The following NLN variants were observed in gnomAD, a reference collection of about 807,000 sequenced individuals.
NLN encodes the protein neurolysin, also known as neurolysin, mitochondrial.
A neutral mutation model predicts 79.9 loss-of-function variants in NLN; 64 were observed. That is an observed-to-expected ratio of 0.80 (90% confidence interval 0.65 to 0.99). NLN has a LOEUF of 0.99. Ranked by LOEUF, NLN falls within the 50% of genes least tolerant of loss-of-function variation. NLN has a pLI of 0.00. For missense variants in NLN, 835 were observed against 858.7 expected, an observed-to-expected ratio of 0.97 and a Z score of 0.34; for synonymous variants, 267 against 296.6, an observed-to-expected ratio of 0.90 and a Z score of 1.02.
chr5:65,750,940 G>A (rs1410757413), intron 1 of NLN, among the ~76,000 whole-genome samples: 1 of 152,052 alleles, frequency 6.6e-6, no homozygotes, highest in Non-Finnish European at 1.5e-5. Flanking sequence ...TGTGAGGAGA[G>A]GGGTGATTTA....
intron 1 of NLN, among the ~76,000 whole-genome samples, chr5:65,750,068 G>C (rs1301006512): frequency 6.6e-6 from 1 of 152,170 alleles, no homozygotes; most frequent in Non-Finnish European, 1.5e-5. Flanking sequence ...TAGTTTGCGA[G>C]TGGAAAGGAG....
chr5:65,811,360 C>T (rs1760541032), intron 11 of NLN, among the ~76,000 whole-genome samples: 1 of 151,884 alleles, frequency 6.6e-6, no homozygotes, highest in Non-Finnish European at 1.5e-5. Context: ...TTGACTATAG[C>T]CATCCTGTTA....
At chr5:65,777,723 T>A (rs1424109785) in intron 4 of NLN, among the ~76,000 whole-genome samples, 189 bp downstream of exon 4, 4 of 152,132 alleles carry the variant, frequency 2.6e-5, no homozygotes, top group Non-Finnish European at 5.9e-5. Context: ...GCTCTACTGG[T>A]AATAATGGGA....
chr5:65,742,208 C>T (rs1318123770), intron 1 of NLN, among the ~76,000 whole-genome samples: 1 of 151,748 alleles, frequency 6.6e-6, no homozygotes, highest in East Asian at 1.9e-4. Context: ...ATAAAGTTAC[C>T]TTTTTTAAAA....
chr5:65,775,930 C>T (rs1759670357), intron 3 of NLN, among the ~76,000 whole-genome samples: 1 of 152,192 alleles, frequency 6.6e-6, no homozygotes, highest in Non-Finnish European at 1.5e-5. Flanking sequence ...TAAATATATG[C>T]ACAACAAATG....
At chr5:65,723,072 G>C (rs1430955727) in intron 1 of NLN, 1 of 152,254 alleles carries the variant, frequency 6.6e-6, no homozygotes, top group African/African-American at 2.4e-5. Flanking sequence ...CAACAGACCA[G>C]TAGCAAGATG....
At chr5:65,800,601 G>A (rs965729627) in intron 9 of NLN, among the ~76,000 whole-genome samples, 1 of 152,034 alleles carries the variant, frequency 6.6e-6, no homozygotes, top group Non-Finnish European at 1.5e-5. Flanking sequence ...CCCAGGAGGC[G>A]GAGCTTGCAG....
rs752335395 is a variant in NLN, at chr5:65,777,430, AC to A, written c.456del (p.Cys153ValfsTer6). 104 of 1,603,060 alleles carry A rather than the reference AC, an allele frequency of 6.5e-5. No individual in the cohort carries two copies. Among genetic ancestry groups the A allele is most frequent in the Non-Finnish European group, 8.7e-5 (102 of 1,171,006 alleles). On this transcript the variant is annotated frameshift_variant, in exon 4 of 13. Transcript: ENST00000380985. LOFTEE classifies it high-confidence loss of function. The part of the protein sequence containing the change: ...IFERIVHLQE[T>X]CDLGKIKPEA... ...TTTTCATGCTCTTTAATTTCAGGAA[AC>A]CTGTGATCTGGGGAAGATAAAACCT...
intron 3 of NLN, among the ~76,000 whole-genome samples, chr5:65,775,325 G>A (rs1043537926): frequency 6.6e-6 from 1 of 152,164 alleles, no homozygotes; most frequent in Non-Finnish European, 1.5e-5. Flanking sequence ...TGTGTCCTGA[G>A]CTCATGGCCA....
At position 65,722,396 on chromosome 5, in the gene NLN, C is replaced by A. The variant is rs778967557; in HGVS notation, c.23C>A (p.Ala8Asp). MIARCLL[A>D]VRSLRRVGGS... is the part of the protein sequence containing the mutation. ...CCCATGATCGCCCGGTGCCTTTTGG[C>A]TGTGCGAAGCCTCCGCAGGTACCTC... is the stretch of plus-strand genomic sequence containing the variant. The change falls in exon 1 of 13, where the codon GCT (alanine) becomes GAT (aspartate). Residue 8 changes from alanine to aspartate, a missense_variant. Ala to Asp is a moderately radical substitution (Grantham distance 126). Coordinates refer to ENST00000380985, the MANE Select transcript of NLN (RefSeq NM_020726.5). 1 of 1,590,474 alleles carries A rather than the reference C, an allele frequency of 6.3e-7. No individual in the cohort carries two copies. Among genetic ancestry groups the A allele is most frequent in the South Asian group, 1.1e-5 (1 of 87,428 alleles).
At position 65,767,753 on chromosome 5, in the gene NLN, G is replaced by A. The variant is rs2150750466; in HGVS notation, c.450+4645G>A. Among the ~76,000 whole-genome samples the A allele has an allele frequency of 2.6e-5, 4 of 152,218 alleles. No individual in the cohort carries two copies. The South Asian group carries it at 8.3e-4, about 32-fold the overall frequency. On this transcript the variant is annotated intron_variant, in intron 3 of 12. Coordinates refer to ENST00000380985, the MANE Select transcript of NLN (RefSeq NM_020726.5). ...AGTCCCGATTTCAAACCATCTCTTT[G>A]TGTACACACATGGCTGTATGCTGTT...
intron 11 of NLN, among the ~76,000 whole-genome samples, chr5:65,811,628 C>A (rs145599699): frequency 0.011 from 1,732 of 152,176 alleles, 30 homozygotes; most frequent in African/African-American, 0.039. Context: ...TTGAGACCAG[C>A]CTGACCAAAG....
At chr5:65,753,750 G>A (rs1029519114) in intron 1 of NLN, among the ~76,000 whole-genome samples, 1 of 151,906 alleles carries the variant, frequency 6.6e-6, no homozygotes, top group Admixed American at 6.6e-5. Context: ...AGGGTGTTAA[G>A]ATGGATATGT....
intron 2 of NLN, among the ~76,000 whole-genome samples, chr5:65,762,290 A>G (rs1032173546): frequency 1.3e-5 from 2 of 152,086 alleles, no homozygotes; most frequent in African/African-American, 2.4e-5. Flanking sequence ...TAGATTTTCT[A>G]TGGAGTCTTT....
intron 9 of NLN, among the ~76,000 whole-genome samples, chr5:65,795,365 G>A (rs1288225374): frequency 6.6e-6 from 1 of 152,040 alleles, no homozygotes; most frequent in African/African-American, 2.4e-5. Context: ...TCCAGCCTGG[G>A]CAATAGGGCC....
At chr5:65,739,043 A>AT (rs1388809487) in intron 1 of NLN, among the ~76,000 whole-genome samples, 6 of 124,524 alleles carry the variant, frequency 4.8e-5, no homozygotes, top group African/African-American at 1.8e-4. Flanking sequence ...ATATATATAA[A>AT]AAATATATAT....
intron 3 of NLN, among the ~76,000 whole-genome samples, chr5:65,776,430 C>G (rs1759680566): frequency 6.6e-6 from 1 of 152,166 alleles, no homozygotes; most frequent in South Asian, 2.1e-4. Flanking sequence ...TAAACACAGT[C>G]CTTTTACAGA....
At chr5:65,752,687 G>A (rs1759125861) in intron 1 of NLN, among the ~76,000 whole-genome samples, 1 of 152,164 alleles carries the variant, frequency 6.6e-6, no homozygotes, top group Non-Finnish European at 1.5e-5. Flanking sequence ...TGTAACAAAG[G>A]GGAAGAGGAG....
At chr5:65,765,510 C>A in intron 3 of NLN, among the ~76,000 whole-genome samples, 1 of 150,840 alleles carries the variant, frequency 6.6e-6, no homozygotes, top group African/African-American at 2.4e-5. Context: ...AAGAGCAAAA[C>A]TTCATCTCAA....
Sources: allele counts gnomAD v4.1 joint callset (sites outside exome capture counted in the v4.1 genomes callset), GRCh38; gene constraint gnomAD v4.1.1; transcripts MANE v1.5; gene names NCBI Gene and HGNC (gene_info 2026-07-23, HGNC 2026-07-21).